PRX: variants seen among roughly 807,000 people sequenced by gnomAD.
PRX encodes the protein periaxin.
PRX carries 24 observed loss-of-function variants against 29.6 expected under a neutral mutation model. The observed-to-expected ratio is 0.81, with a 90% CI of 0.59 to 1.14. The LOEUF (loss-of-function observed/expected upper bound fraction) is 1.14, where lower values mean the gene tolerates loss of function less well. Ranked by LOEUF, PRX falls within the 50% of genes most tolerant of loss-of-function variation. PRX has a pLI of 0.00. For synonymous variants in PRX, 772 were observed against 831.7 expected, an observed-to-expected ratio of 0.93 and a Z score of 1.24; for missense variants, 1,838 against 1,926.4, an observed-to-expected ratio of 0.95 and a Z score of 0.86.
At chr19:40,408,782 C>G (rs2079544328) in intron 1 of PRX, among the ~76,000 whole-genome samples, 1 of 151,280 alleles carries the variant, frequency 6.6e-6, no homozygotes, top group Non-Finnish European at 1.5e-5. Context: ...AGGTGCATGC[C>G]ACAACACCCG....
rs201603024 is a variant in PRX, at chr19:40,394,800, C to T, written c.3552G>A (p.Arg1184=). 1 of 1,613,668 alleles carries T rather than the reference C, an allele frequency of 6.2e-7. No homozygotes were observed. The highest frequency in any genetic ancestry group is 2.2e-5 in the East Asian group (1 of 44,882). Residue 1184 remains arginine (R), a synonymous_variant, in exon 7 of 7, where the codon AGG becomes AGA. Coordinates refer to ENST00000324001, the MANE Select transcript of PRX (RefSeq NM_181882.3). This position sits in a 1 kb window ranked among gnomAD's most constrained non-coding sequence, Gnocchi z 5.8. Reference sequence around the variant, plus strand: ...ACAGGGTCACCTGGGGCACCTGAACCCTGTAGCCTGCTGTGCCCTCTGCTG... The same window carrying T: ...ACAGGGTCACCTGGGGCACCTGAACTCTGTAGCCTGCTGTGCCCTCTGCTG... ...VPSAEGTAGY[R]VQVPQVTLSL... is the part of the protein sequence containing the mutation.
In PRX at chr19:40,400,559, T is replaced by A. The variant is rs372516334; in HGVS notation, c.185-1743A>T. Among the ~76,000 whole-genome samples the A allele has an allele frequency of 2.4e-4, 29 of 119,274 alleles. 1 individual carries two copies. The South Asian group carries it at 7.9e-3, about 32-fold the overall frequency. 78.2% of individuals were successfully genotyped at this position (119,274 alleles called of 152,430 possible). A position where few individuals can be genotyped will look rare whatever the true frequency, so the allele number is the denominator to read the frequency against. Reference sequence around the variant, plus strand: ...GTGAGCTGAGATCGTGCCATTGCACTCCAGCCTGGGCAACAAGAGCGAAAT... The same window carrying A: ...GTGAGCTGAGATCGTGCCATTGCACACCAGCCTGGGCAACAAGAGCGAAAT... On this transcript the variant is annotated intron_variant, in intron 5 of 6. Coordinates refer to ENST00000324001, the MANE Select transcript of PRX (RefSeq NM_181882.3).
At position 40,396,672 on chromosome 19, in the gene PRX, T is replaced by G. The variant is rs1194012098; in HGVS notation, c.1680A>C (p.Ser560=). 4 of 1,613,588 alleles carry G rather than the reference T, an allele frequency of 2.5e-6. No individual in the cohort carries two copies. Among genetic ancestry groups the G allele is most frequent in the Non-Finnish European group, 3.4e-6 (4 of 1,179,882 alleles). Residue 560 remains serine, a synonymous_variant, in exon 7 of 7, where the codon TCA becomes TCC. Coordinates refer to ENST00000324001, the MANE Select transcript of PRX (RefSeq NM_181882.3). ...GCCGCACCTCTGGCACAGCCACCTC[T>G]GACACCTCTGGGAGTTTCATCTCTG... ...KVSEMKLPEV[S]EVAVPEVRLP...
At position 40,397,274 on chromosome 19, in the gene PRX, G is replaced by A; in HGVS notation, c.1078C>T (p.Leu360Phe). Residue 360 changes from leucine (L) to phenylalanine (F), a missense_variant, in exon 7 of 7, where the codon CTT becomes TTT. Around this residue, in one of 3 missense-constraint regions of PRX, gnomAD observed 666 missense variants for 665.0 expected, o/e 1.00. Transcript: ENST00000324001. ...CGAGCCCCAAATCGGGGAAAACTAA[G>A]GCGGGGCATCTTCAGGGCCACCTCA... ...APEVALKMPR[L>F]SFPRFGARAK... The A allele has an allele frequency of 6.2e-7, 1 of 1,613,642 alleles. No homozygotes were observed. Among genetic ancestry groups the A allele is most frequent in the Non-Finnish European group, 8.5e-7 (1 of 1,180,032 alleles).
rs1057522657 is a variant in PRX, at chr19:40,395,385, G to A, written c.2967C>T (p.Leu989=). The part of the protein sequence containing the change: ...GAGEAGLLPA[L]DLSIPQLSLD... ...GGCTGAGCTGTGGGATGGACAGATC[G>A]AGGGCAGGCAGCAGGCCTGCCTCCC... The change falls in exon 7 of 7, where the codon CTC becomes CTT. Residue 989 remains leucine, a synonymous_variant. Transcript: ENST00000324001. 6 of 1,613,596 alleles carry A rather than the reference G, an allele frequency of 3.7e-6. No homozygotes were observed. In the African/African-American group the frequency reaches 4.0e-5, roughly 11 times the overall value.
chr19:40,395,113 C>T lies in PRX; in HGVS notation c.3239G>A (p.Arg1080His), dbSNP rs762213719. ...CTCAGCCTTTTCCCCCGGGCTGGCA[C>T]GATCACCTTGAACTTCTGCTTCCTT... ...RGKEAEVQGDRASPGEKAEST... is the reference protein window; with the variant it reads ...RGKEAEVQGDHASPGEKAEST... Residue 1080 changes from arginine (R) to histidine (H), a missense_variant, in exon 7 of 7, where the codon CGT (arginine) becomes CAT (histidine). Arg to His is a conservative substitution (Grantham distance 29). This residue lies in a region of PRX where 1,143 missense variants were observed against 1,193.0 expected (regional missense o/e 0.96). Coordinates refer to ENST00000324001, the MANE Select transcript of PRX (RefSeq NM_181882.3). The T allele has an allele frequency of 8.3e-5, 134 of 1,613,864 alleles. No individual in the cohort carries two copies. The East Asian group carries it at 1.3e-3, about 15-fold the overall frequency.
At position 40,408,031 on chromosome 19, in the gene PRX, C is replaced by T. The variant is rs1418765733; in HGVS notation, c.-99G>A. 4 of 1,539,114 alleles carry T rather than the reference C, an allele frequency of 2.6e-6. No individual in the cohort carries two copies. The East Asian group carries it at 9.3e-5, about 36-fold the overall frequency. ...TCTGCATGGAGCAGCTGCCTCTGAG[C>T]CTGTGGGAGGACAGCAGTGGAGGCT... On this transcript the variant is annotated splice_region_variant and 5_prime_UTR_variant, in exon 4 of 7. Transcript: ENST00000324001.
chr19:40,406,433 A>G (rs1053460346), intron 4 of PRX, among the ~76,000 whole-genome samples: 2 of 152,016 alleles, frequency 1.3e-5, no homozygotes, highest in Admixed American at 6.6e-5. Flanking sequence ...AGAGGAGGAC[A>G]CTAAGGCCCA....
At position 40,398,432 on chromosome 19, in the gene PRX, G is replaced by A. The variant is rs555659746; in HGVS notation, c.381+188C>T. On this transcript the variant is annotated intron_variant, in intron 6 of 6. Coordinates refer to ENST00000324001, the MANE Select transcript of PRX (RefSeq NM_181882.3). This position sits in a 1 kb window ranked among gnomAD's most constrained non-coding sequence, Gnocchi z 6.3. ...CGAGGTGGGTGAGGGCCCTGGGCTG[G>A]GGTGGGTCTGTCCCCCTTCCCGGGG... is the stretch of plus-strand genomic sequence containing the variant. 132 of 1,503,556 alleles carry A rather than the reference G, an allele frequency of 8.8e-5. No individual in the cohort carries two copies. In the African/African-American group the frequency reaches 1.8e-3, roughly 20 times the overall value. 93.1% of individuals were successfully genotyped at this position (1,503,556 alleles called of 1,614,324 possible). A position where few individuals can be genotyped will look rare whatever the true frequency, so the allele number is the denominator to read the frequency against.
chr19:40,395,856 T>A lies in PRX; in HGVS notation c.2496A>T (p.Val832=), dbSNP rs777527307. The A allele has an allele frequency of 1.7e-5, 28 of 1,614,164 alleles. No homozygotes were observed. The highest frequency in any genetic ancestry group is 8.3e-5 in the Admixed American group (5 of 60,028). Residue 832 remains valine (V), a synonymous_variant, in exon 7 of 7, where the codon GTA becomes GTT. Transcript: ENST00000324001. Reference sequence around the variant, plus strand: ...CCTCTGGCTGCAGACAGGGAAGTGTTACCAGCTTCCCTGAGACCTCAGCAC... The same window carrying A: ...CCTCTGGCTGCAGACAGGGAAGTGTAACCAGCTTCCCTGAGACCTCAGCAC... The part of the protein sequence containing the change: ...EAGAEVSGKL[V]TLPCLQPEVD...
chr19:40,407,799 G>C lies in PRX; in HGVS notation c.27+107C>G, dbSNP rs930489130. ...ACCCTGTTATTATTTCCATTTCACA[G>C]ATGGAGAGAATGAGGCACAGAGAGG... On this transcript the variant is annotated intron_variant, in intron 4 of 6. Transcript: ENST00000324001. 12 of 1,476,714 alleles carry C rather than the reference G, an allele frequency of 8.1e-6. No homozygotes were observed. The African/African-American group carries it at 1.5e-4, about 19-fold the overall frequency. 91.5% of individuals were successfully genotyped at this position (1,476,714 alleles called of 1,614,324 possible).
At chr19:40,405,163 C>A (rs980665787) in intron 4 of PRX, among the ~76,000 whole-genome samples, 12 of 152,108 alleles carry the variant, frequency 7.9e-5, no homozygotes, top group African/African-American at 2.9e-4. Flanking sequence ...GGAGACATGG[C>A]ATTCCCGGTA....
chr19:40,399,646 C>T (rs767226135), intron 5 of PRX, among the ~76,000 whole-genome samples: 4 of 152,232 alleles, frequency 2.6e-5, no homozygotes. Context: ...CAAGGTGCTA[C>T]ACCCTCTGGA....
intron 1 of PRX, among the ~76,000 whole-genome samples, chr19:40,411,123 G>A (rs1468700073): frequency 6.6e-6 from 1 of 152,116 alleles, no homozygotes; most frequent in African/African-American, 2.4e-5. Context: ...GCCAGAAAGG[G>A]GCAGAGCTAG....
chr19:40,395,634 T>C lies in PRX; in HGVS notation c.2718A>G (p.Pro906=). The part of the protein sequence containing the change: ...FRVPSVEIVT[P]QLPAVEIEEG... ...CCTCAATTTCCACGGCGGGCAGCTG[T>C]GGGGTGACAATTTCAACAGAGGGCA... The change falls in exon 7 of 7, where the codon CCA becomes CCG. Residue 906 remains proline, a synonymous_variant. Transcript: ENST00000324001. The C allele has an allele frequency of 2.5e-6, 4 of 1,614,074 alleles. No individual in the cohort carries two copies. Among genetic ancestry groups the C allele is most frequent in the South Asian group, 2.2e-5 (2 of 91,066 alleles).
chr19:40,408,804 G>T (rs968686527), intron 1 of PRX, among the ~76,000 whole-genome samples: 2 of 138,724 alleles, frequency 1.4e-5, no homozygotes, highest in Admixed American at 7.0e-5. Context: ...CTACGTTTTT[G>T]TTGTTGTTGG....
Position 40,394,248 on chromosome 19 carries a change from C to T in PRX, c.4104G>A (p.Ser1368=), listed in dbSNP as rs746838314. The T allele has an allele frequency of 3.7e-6, 6 of 1,608,014 alleles. No homozygotes were observed. The highest frequency in any genetic ancestry group is 4.5e-5 in the East Asian group (2 of 44,686). ...GGACCCGGACCCGGCCCCGGCGACCCGAGGCCCCTTCCCCACTGCCCTCTT... is the reference window on the plus strand; with the variant it reads ...GGACCCGGACCCGGCCCCGGCGACCTGAGGCCCCTTCCCCACTGCCCTCTT... ...EEEEGSGEGA[S]GRRGRVRVRL... is the part of the protein sequence containing the mutation. The change falls in exon 7 of 7, where the codon TCG becomes TCA. Residue 1368 remains serine, a synonymous_variant. Coordinates refer to ENST00000324001, the MANE Select transcript of PRX (RefSeq NM_181882.3). The surrounding 1 kb of genome is among the most constrained non-coding windows in gnomAD (Gnocchi z 5.8).
Position 40,397,052 on chromosome 19 carries a change from C to G in PRX, c.1300G>C (p.Val434Leu), listed in dbSNP as rs746471273. ...ACTTCAGGTCCCTTGGGCACCTTGA[C>G]CTCGGGCCCTGACACTCCGATGCCA... ...SLGIGVSGPE[V>L]KVPKGPEVKL... Residue 434 changes from valine to leucine, a missense_variant, in exon 7 of 7, where the codon GTC (valine) becomes CTC (leucine). This residue lies in a region of PRX where 666 missense variants were observed against 665.0 expected (regional missense o/e 1.00). Transcript: ENST00000324001. 9.3e-6 allele frequency: 15 copies of G among 1,613,988 alleles called. No individual in the cohort carries two copies. Among genetic ancestry groups the G allele is most frequent in the Non-Finnish European group, 1.2e-5 (14 of 1,180,052 alleles).
intron 5 of PRX, among the ~76,000 whole-genome samples, chr19:40,402,215 A>G (rs184390842): frequency 0.025 from 3,842 of 150,858 alleles, 77 homozygotes; most frequent in Non-Finnish European, 0.042. Context: ...TTAGCCGGGC[A>G]TGGTGGCGGG....
Sources: allele counts gnomAD v4.1 joint callset (sites outside exome capture counted in the v4.1 genomes callset), GRCh38; gene constraint gnomAD v4.1.1; regional missense constraint gnomAD v4.1.1; non-coding constraint Gnocchi (gnomAD v3.1); transcripts MANE v1.5; gene names NCBI Gene and HGNC (gene_info 2026-07-23, HGNC 2026-07-21).